Variants in ACSL1 observed in about 807,000 individuals in gnomAD.
The protein encoded by ACSL1 is long-chain-fatty-acid--CoA ligase 1.
ACSL1 carries 41 observed loss-of-function variants against 98.4 expected under a neutral mutation model. That is an observed-to-expected ratio of 0.42 (90% CI 0.32 to 0.54). The LOEUF (loss-of-function observed/expected upper bound fraction) is 0.54, where lower values mean the gene tolerates loss of function less well. Among genes scored for constraint, ACSL1 ranks in the 20% least tolerant of loss-of-function variants. The pLI, the probability that ACSL1 is intolerant of heterozygous loss-of-function variation, is 0.13. For missense variants in ACSL1, 734 were observed against 883.1 expected (o/e 0.83, Z 2.14); for synonymous variants, 316 against 322.7 (o/e 0.98, Z 0.22).
chr4:184,785,191 C>G (rs1359376572), intron 3 of ACSL1, among the ~76,000 whole-genome samples: 1 of 152,202 alleles, frequency 6.6e-6, no homozygotes, highest in Non-Finnish European at 1.5e-5. Flanking sequence ...TACTACCAGG[C>G]TTTTTACAGA....
intron 1 of ACSL1, among the ~76,000 whole-genome samples, chr4:184,822,686 G>C (rs1029363801): frequency 7.9e-5 from 12 of 151,922 alleles, no homozygotes; most frequent in Middle Eastern, 3.2e-3. Flanking sequence ...AGGCTGCAAC[G>C]AGCCATGATC....
At chr4:184,810,165 A>C (rs1374585003) in intron 1 of ACSL1, among the ~76,000 whole-genome samples, 2 of 152,216 alleles carry the variant, frequency 1.3e-5, no homozygotes, top group East Asian at 1.9e-4. Context: ...AACAACCAAC[A>C]TTTGCCTTTG....
chr4:184,823,700 C>T (rs1161494442), intron 1 of ACSL1, among the ~76,000 whole-genome samples: 1 of 152,188 alleles, frequency 6.6e-6, no homozygotes, highest in Non-Finnish European at 1.5e-5. Context: ...ACAGTTTTAC[C>T]AGTGTTTGTG....
intron 1 of ACSL1, among the ~76,000 whole-genome samples, chr4:184,824,721 G>A (rs941958140): frequency 6.6e-6 from 1 of 152,054 alleles, no homozygotes; most frequent in African/African-American, 2.4e-5. Context: ...ATCTGATGGC[G>A]AGCAATGGTT....
At chr4:184,811,325 G>C (rs910646932) in intron 1 of ACSL1, among the ~76,000 whole-genome samples, 3 of 152,066 alleles carry the variant, frequency 2.0e-5, no homozygotes, top group South Asian at 4.2e-4. Context: ...TGTTGGCCAG[G>C]ATGGTCTCGA....
chr4:184,803,238 A>G lies in ACSL1; in HGVS notation c.195+82T>C. On this transcript the variant is annotated intron_variant, in intron 2 of 20. Coordinates refer to ENST00000281455, the MANE Select transcript of ACSL1 (RefSeq NM_001995.5). This position sits in a 1 kb window ranked among gnomAD's most constrained non-coding sequence, Gnocchi z 4.8. ...AGTTATAAACAAATATTTGATCTTG[A>G]TGGCTATCACATTCAACAGGGCTCA... 2.4e-6 allele frequency: 3 copies of G among 1,246,184 alleles called. No individual in the cohort carries two copies. Among genetic ancestry groups the G allele is most frequent in the Non-Finnish European group, 3.3e-6 (3 of 922,028 alleles). 77.2% of individuals were successfully genotyped at this position (1,246,184 alleles called of 1,614,324 possible). A position where few individuals can be genotyped will look rare whatever the true frequency, so the allele number is the denominator to read the frequency against.
At chr4:184,799,258 AGGCACAC>A (rs1460805500) in intron 2 of ACSL1, among the ~76,000 whole-genome samples, 13 of 151,858 alleles carry the variant, frequency 8.6e-5, no homozygotes, top group African/African-American at 2.9e-4. Flanking sequence ...CTGGGATTAC[AGGCACAC>A]GCCACCACGC....
chr4:184,765,069 T>C (rs1763381993), intron 14 of ACSL1, 144 bp from the exon 15 acceptor site: 6 of 796,328 alleles, frequency 7.5e-6, no homozygotes, highest in African/African-American at 1.7e-5. Context: ...AGTAAGTTCA[T>C]TCAATGGTCC....
At position 184,766,756 on chromosome 4, in the gene ACSL1, T is replaced by C; in HGVS notation, c.1129A>G (p.Ile377Val). 6.2e-7 allele frequency: 1 copy of C among 1,610,616 alleles called. No individual in the cohort carries two copies. Among genetic ancestry groups the C allele is most frequent in the Non-Finnish European group, 8.5e-7 (1 of 1,177,270 alleles). ...AGCGTGGTGTTTGCTTGTCCGAAAA[T>C]CTAATGAGGCAAGACATGAGAAAGT... ...PRLLNRMFDR[I>V]FGQANTTLKR... is the part of the protein sequence containing the mutation. The change falls in exon 13 of 21, where the codon ATT becomes GTT. Residue 377 changes from isoleucine (I) to valine (V), a missense_variant and splice_region_variant. Ile to Val is a conservative substitution (Grantham distance 29). Transcript: ENST00000281455. The surrounding 1 kb of genome is among the most constrained non-coding windows in gnomAD (Gnocchi z 4.8).
chr4:184,793,960 A>G (rs1172169690), intron 2 of ACSL1, among the ~76,000 whole-genome samples: 1 of 152,208 alleles, frequency 6.6e-6, no homozygotes, highest in Non-Finnish European at 1.5e-5. Context: ...GTATACTCTA[A>G]ATGGTCTCTA....
chr4:184,771,805 G>T (rs982597247), intron 10 of ACSL1, among the ~76,000 whole-genome samples: 7 of 151,888 alleles, frequency 4.6e-5, no homozygotes, highest in Admixed American at 2.0e-4. Context: ...ATGTGACAAT[G>T]GATGAAAGCA....
chr4:184,815,193 G>C (rs1350462687), intron 1 of ACSL1: 1 of 440,642 alleles, frequency 2.3e-6, no homozygotes, highest in Non-Finnish European at 4.6e-6. Flanking sequence ...GCTGAGGGTG[G>C]AACCAGGCCA....
At chr4:184,764,222 T>C (rs1374073384) in intron 15 of ACSL1, among the ~76,000 whole-genome samples, 1 of 152,210 alleles carries the variant, frequency 6.6e-6, no homozygotes, top group Non-Finnish European at 1.5e-5. Flanking sequence ...TCATACATCA[T>C]TTATGTGTTA....
intron 4 of ACSL1, 88 bp downstream of exon 4, chr4:184,783,839 G>A: frequency 7.9e-7 from 1 of 1,270,338 alleles, no homozygotes. Context: ...CATACACTCT[G>A]GAGAAACCTT....
At chr4:184,817,636 G>C (rs1016093389) in intron 1 of ACSL1, among the ~76,000 whole-genome samples, 1 of 152,150 alleles carries the variant, frequency 6.6e-6, no homozygotes, top group Non-Finnish European at 1.5e-5. Context: ...TGCCACACCT[G>C]GGAGGCAGAG....
intron 1 of ACSL1, chr4:184,821,399 T>C (rs1270644139): frequency 8.9e-6 from 2 of 225,222 alleles, no homozygotes; most frequent in African/African-American, 2.3e-5. Flanking sequence ...TGCTAATGGA[T>C]AGAGCCTACA....
At chr4:184,810,174 T>C (rs1771907660) in intron 1 of ACSL1, among the ~76,000 whole-genome samples, 1 of 152,246 alleles carries the variant, frequency 6.6e-6, no homozygotes, top group Non-Finnish European at 1.5e-5. Context: ...CATTTGCCTT[T>C]GTAAGCTGAA....
At chr4:184,777,516 G>A (rs1218406393) in intron 5 of ACSL1, among the ~76,000 whole-genome samples, 1 of 151,154 alleles carries the variant, frequency 6.6e-6, no homozygotes, top group African/African-American at 2.4e-5. Flanking sequence ...GAAAGAGAGA[G>A]AGAGAAAGAA....
intron 3 of ACSL1, among the ~76,000 whole-genome samples, chr4:184,784,603 G>A (rs1270766165): frequency 2.0e-5 from 3 of 152,194 alleles, no homozygotes; most frequent in South Asian, 2.1e-4. Flanking sequence ...GATGTTTCCC[G>A]ATTCCTATTC....
Sources: gnomAD v4.1 joint callset for allele counts (sites outside exome capture counted in the v4.1 genomes callset) on GRCh38, gnomAD v4.1.1 for gene constraint, Gnocchi (gnomAD v3.1) non-coding constraint, MANE v1.5 for transcripts, NCBI Gene and HGNC (gene_info 2026-07-23, HGNC 2026-07-21) for gene names.